Variants in PLCH1 observed in about 807,000 individuals in gnomAD.
The protein encoded by PLCH1 is phospholipase C eta 1, also known as 1-phosphatidylinositol 4,5-bisphosphate phosphodiesterase eta-1.
In PLCH1, 60 loss-of-function variants were observed where a neutral mutation model predicts 126.7. That is an observed-to-expected ratio of 0.47 (90% CI 0.38 to 0.59). PLCH1 has a LOEUF of 0.59. Among genes scored for constraint, PLCH1 ranks in the 20% least tolerant of loss-of-function variants. PLCH1 has a pLI of 0.00. For synonymous variants in PLCH1, 719 were observed against 734.9 expected (o/e 0.98, Z 0.35); for missense variants, 1,723 against 2,040.0 (o/e 0.84, Z 2.99).
intron 2 of PLCH1, among the ~76,000 whole-genome samples, chr3:155,649,708 G>T (rs1740487174): frequency 6.6e-6 from 1 of 152,208 alleles, no homozygotes; most frequent in South Asian, 2.1e-4. Context: ...GCCGGGCGCG[G>T]TGGCTCACAC....
chr3:155,457,304 G>C (rs975440230), intron 21 of PLCH1: 2 of 152,242 alleles, frequency 1.3e-5, no homozygotes, highest in East Asian at 3.9e-4. Context: ...AGGGAGGAGG[G>C]AGGCAGCCAA....
chr3:155,509,296 A>C (rs1200831164), intron 12 of PLCH1, among the ~76,000 whole-genome samples: 1 of 111,884 alleles, frequency 8.9e-6, no homozygotes, highest in East Asian at 2.3e-4. Flanking sequence ...TGATCCTTTC[A>C]AAAAACCAGC....
intron 2 of PLCH1, among the ~76,000 whole-genome samples, chr3:155,633,782 TG>T (rs1738374932): frequency 6.6e-6 from 1 of 152,130 alleles, no homozygotes; most frequent in Non-Finnish European, 1.5e-5. Flanking sequence ...TAGCCGGGTA[TG>T]GTGGTGCATG....
At chr3:155,641,616 G>T (rs933112657) in intron 2 of PLCH1, among the ~76,000 whole-genome samples, 6 of 152,008 alleles carry the variant, frequency 3.9e-5, no homozygotes, top group African/African-American at 1.4e-4. Context: ...CACAAAGAAT[G>T]ACAAATGTTT....
chr3:155,714,291 G>A (rs1181278230), intron 1 of PLCH1, among the ~76,000 whole-genome samples: 1 of 152,132 alleles, frequency 6.6e-6, no homozygotes, highest in East Asian at 1.9e-4. Context: ...GGGATGGGGT[G>A]GGAGGGGCCA....
intron 2 of PLCH1, among the ~76,000 whole-genome samples, chr3:155,654,249 G>T (rs1314720061): frequency 6.6e-6 from 1 of 151,716 alleles, no homozygotes; most frequent in Non-Finnish European, 1.5e-5. Context: ...TTACTTTGTT[G>T]GATAATCCTC....
chr3:155,494,104 A>G (rs930745431), intron 17 of PLCH1, 37 bp downstream of exon 17: 1 of 1,482,876 alleles, frequency 6.7e-7, no homozygotes, highest in African/African-American at 1.4e-5. Context: ...TGAAATTAAC[A>G]CACACCTGCA....
At chr3:155,570,396 G>C (rs2108538453) in intron 6 of PLCH1, among the ~76,000 whole-genome samples, 1 of 152,234 alleles carries the variant, frequency 6.6e-6, no homozygotes, top group East Asian at 1.9e-4. Flanking sequence ...TGTTTCCTAT[G>C]GAGTTCACTT....
Position 155,744,904 on chromosome 3 carries a change from T to G in PLCH1, c.-105A>C, listed in dbSNP as rs988311603. The stretch of plus-strand genomic sequence containing the variant: ...GGAGTCCGTGGCACAAGGAGCCACC[T>G]CCGAAGTGCTGGGGTGATGAGTTAT... On this transcript the variant is annotated 5_prime_UTR_variant, in exon 1 of 23. Coordinates refer to ENST00000460012, the MANE Select transcript of PLCH1 (RefSeq NM_014996.4). 6.6e-6 allele frequency: 1 copy of G among 152,316 alleles called. No homozygotes were observed. The highest frequency in any genetic ancestry group is 2.4e-5 in the African/African-American group (1 of 41,400). 9.4% of individuals were successfully genotyped at this position (152,316 alleles called of 1,614,324 possible). A position where few individuals can be genotyped will look rare whatever the true frequency, so the allele number is the denominator to read the frequency against.
In PLCH1 at chr3:155,739,370, C is replaced by T. The variant is rs545522774; in HGVS notation, c.-41+5470G>A. Among the ~76,000 whole-genome samples, 14 of 152,300 alleles carry T rather than the reference C, an allele frequency of 9.2e-5. No homozygotes were observed. In the South Asian group the frequency reaches 2.9e-3, roughly 32 times the overall value. ...TCATGAGGAATCCTCTTAGACCCAC[C>T]ACAAGATGGCAACAATCCAGAAGTG... is the stretch of plus-strand genomic sequence containing the variant. On this transcript the variant is annotated intron_variant, in intron 1 of 22. Coordinates refer to ENST00000460012, the MANE Select transcript of PLCH1 (RefSeq NM_014996.4).
intron 11 of PLCH1, 115 bp downstream of exon 11, chr3:155,523,782 T>G: frequency 1.6e-6 from 1 of 625,682 alleles, no homozygotes; most frequent in Non-Finnish European, 2.8e-6. Context: ...TCAATGAATA[T>G]CCTTTCTACA....
intron 12 of PLCH1, among the ~76,000 whole-genome samples, chr3:155,505,698 T>C (rs182627342): frequency 6.6e-6 from 1 of 152,288 alleles, no homozygotes; most frequent in East Asian, 1.9e-4. Flanking sequence ...TGATGTTAGG[T>C]AACTGTTAAC....
intron 13 of PLCH1, among the ~76,000 whole-genome samples, chr3:155,503,590 T>C (rs1576846428): frequency 6.6e-6 from 1 of 150,844 alleles, no homozygotes; most frequent in Non-Finnish European, 1.5e-5. Flanking sequence ...CAGGCTGGAG[T>C]GCAGTGGTGC....
intron 6 of PLCH1, among the ~76,000 whole-genome samples, chr3:155,582,871 T>C (rs186223752): frequency 2.1e-3 from 326 of 152,186 alleles, no homozygotes; most frequent in African/African-American, 7.3e-3. Context: ...TAATTCAGCC[T>C]ATATAATATT....
intron 8 of PLCH1, among the ~76,000 whole-genome samples, chr3:155,558,368 T>C (rs1379913861): frequency 6.6e-6 from 1 of 152,178 alleles, no homozygotes; most frequent in Non-Finnish European, 1.5e-5. Context: ...TCTGGCCACA[T>C]GGCAGATAAA....
chr3:155,723,342 TTTTG>T (rs1160518100), intron 1 of PLCH1, among the ~76,000 whole-genome samples: 5 of 152,206 alleles, frequency 3.3e-5, no homozygotes, highest in Admixed American at 3.3e-4. Flanking sequence ...GGTCTATCAA[TTTTG>T]TTTATCTTTT....
intron 22 of PLCH1, chr3:155,483,262 T>C: frequency 1.0e-6 from 1 of 991,112 alleles, no homozygotes; most frequent in African/African-American, 1.6e-5. Flanking sequence ...GAGCTTCCCT[T>C]TGAATATCTA....
intron 2 of PLCH1, among the ~76,000 whole-genome samples, chr3:155,667,615 T>G (rs1442235336): frequency 6.6e-6 from 1 of 152,158 alleles, no homozygotes; most frequent in African/African-American, 2.4e-5. Context: ...ATTATAAAAC[T>G]GATTGGCTCA....
chr3:155,643,168 C>T (rs373656065), intron 2 of PLCH1, among the ~76,000 whole-genome samples: 1 of 152,054 alleles, frequency 6.6e-6, no homozygotes, highest in South Asian at 2.1e-4. Flanking sequence ...AGGCTGGTCT[C>T]GAACTCCTGA....
Sources: allele counts gnomAD v4.1 joint callset (sites outside exome capture counted in the v4.1 genomes callset), GRCh38; gene constraint gnomAD v4.1.1; transcripts MANE v1.5; gene names NCBI Gene and HGNC (gene_info 2026-07-23, HGNC 2026-07-21).